Variants in SERPINB7 observed in about 807,000 individuals in gnomAD.
The protein encoded by SERPINB7 is serpin family B member 7, also known as serpin B7.
Under a neutral mutation model 37.4 loss-of-function variants are expected in SERPINB7, and 31 were observed. That is an observed-to-expected ratio of 0.83 (90% CI 0.62 to 1.12). The LOEUF is 1.12. SERPINB7 is among the 50% of genes most tolerant of loss of function. The pLI is 0.00. For synonymous variants in SERPINB7, 163 were observed against 166.1 expected, an observed-to-expected ratio of 0.98 and a Z score of 0.14; for missense variants, 521 against 455.3, an observed-to-expected ratio of 1.14 and a Z score of -1.31.
chr18:63,793,326 T>C, intron 4 of SERPINB7, 49 bp downstream of exon 4: 2 of 970,278 alleles, frequency 2.1e-6, no homozygotes, highest in Non-Finnish European at 3.2e-6. Context: ...GTTAAATCCA[T>C]TATCTGAACA....
chr18:63,799,369 C>A (rs1020813613), intron 6 of SERPINB7, among the ~76,000 whole-genome samples: 4 of 152,170 alleles, frequency 2.6e-5, no homozygotes, highest in Non-Finnish European at 5.9e-5. Flanking sequence ...TGTATTGGGG[C>A]CCCTGCCTTG....
chr18:63,753,439 AG>A (rs1029648815), intron 1 of SERPINB7, among the ~76,000 whole-genome samples: 11 of 152,192 alleles, frequency 7.2e-5, no homozygotes, highest in South Asian at 4.2e-4. Context: ...ATGAAAAAAA[AG>A]TGCCTACTGA....
At chr18:63,771,748 CT>C (rs1343070285), upstream of SERPINB7, among the ~76,000 whole-genome samples, 1 of 151,876 alleles carries the variant, frequency 6.6e-6, no homozygotes, top group Non-Finnish European at 1.5e-5. Flanking sequence ...CTCATAGACC[CT>C]TATGAGAACA....
chr18:63,798,699 G>A lies in SERPINB7; in HGVS notation c.550G>A (p.Ala184Thr). 6.2e-7 allele frequency: 1 copy of A among 1,612,952 alleles called. No homozygotes were observed. Among genetic ancestry groups the A allele is most frequent in the Non-Finnish European group, 8.5e-7 (1 of 1,179,578 alleles). The change falls in exon 6 of 8, where the codon GCC (alanine) becomes ACC (threonine). Residue 184 changes from alanine to threonine, a missense_variant. By Grantham distance (58) the Ala-to-Thr change is moderately conservative (BLOSUM62 0). Coordinates refer to ENST00000398019, the MANE Select transcript of SERPINB7 (RefSeq NM_003784.4). ...AVYFKGKWQSAFTKSETINCH... is the reference protein window; with the variant it reads ...AVYFKGKWQSTFTKSETINCH... ...GTACTTCAAAGGCAAGTGGCAATCA[G>A]CCTTCACCAAGAGCGAAACCATAAA... is the stretch of plus-strand genomic sequence containing the variant.
chr18:63,789,970 T>C (rs887305115), intron 2 of SERPINB7, among the ~76,000 whole-genome samples: 1 of 152,210 alleles, frequency 6.6e-6, no homozygotes, highest in Non-Finnish European at 1.5e-5. Flanking sequence ...TCTCTGTCAC[T>C]CAGTCACTGC....
intron 1 of SERPINB7, among the ~76,000 whole-genome samples, chr18:63,778,952 A>ACAATTTCCTTC (rs2049276413): frequency 6.6e-6 from 1 of 152,204 alleles, no homozygotes; most frequent in Non-Finnish European, 1.5e-5. Flanking sequence ...TGCAAGAAAC[A>ACAATTTCCTTC]TAAGAATATA....
At chr18:63,795,950 T>C (rs114524416) in intron 4 of SERPINB7, among the ~76,000 whole-genome samples, 372 of 152,308 alleles carry the variant, frequency 2.4e-3, no homozygotes, top group African/African-American at 7.9e-3. Flanking sequence ...GGGAGACTGG[T>C]TAGGAGGCTA....
In SERPINB7 at chr18:63,800,943, G is replaced by A. The variant is rs1473078740; in HGVS notation, c.675G>A (p.Lys225=). 1 of 1,613,882 alleles carries A rather than the reference G, an allele frequency of 6.2e-7. No homozygotes were observed. The highest frequency in any genetic ancestry group is 8.5e-7 in the Non-Finnish European group (1 of 1,179,876). Residue 225 remains lysine, a synonymous_variant, in exon 7 of 8, where the codon AAG becomes AAA. Transcript: ENST00000398019. ...CTGTTATTGAGGACCCATCAATGAA[G>A]ATTCTTGAGCTCAGATACAATGGTG... ...NLSVIEDPSM[K]ILELRYNGGI... is the part of the protein sequence containing the mutation.
intron 1 of SERPINB7, chr18:63,753,175 G>A (rs1029266297): frequency 6.6e-6 from 1 of 152,230 alleles, no homozygotes; most frequent in African/African-American, 2.4e-5. Flanking sequence ...GATTCCCTAA[G>A]ATGGATGGAC....
chr18:63,756,249 G>A (rs1000529154), intron 1 of SERPINB7, among the ~76,000 whole-genome samples: 75 of 152,056 alleles, frequency 4.9e-4, no homozygotes, highest in African/African-American at 1.7e-3. Flanking sequence ...GGCCAGAAAT[G>A]TTTCTTCCAC....
chr18:63,789,633 G>C (rs2049406680), intron 2 of SERPINB7, among the ~76,000 whole-genome samples: 1 of 152,124 alleles, frequency 6.6e-6, no homozygotes, highest in Non-Finnish European at 1.5e-5. Context: ...TTCTCTCTCT[G>C]AATTCTTTCT....
chr18:63,768,208 G>T (rs1259220834), intron 1 of SERPINB7, among the ~76,000 whole-genome samples: 1 of 151,566 alleles, frequency 6.6e-6, no homozygotes, highest in Non-Finnish European at 1.5e-5. Context: ...GGTTTATTTT[G>T]CTCTTGTCCT....
intron 5 of SERPINB7, 100 bp from the exon 6 acceptor site, chr18:63,798,504 T>C: frequency 1.2e-6 from 1 of 835,284 alleles, no homozygotes; most frequent in Non-Finnish European, 1.8e-6. Context: ...GGTGTTATTA[T>C]GTGTTAAGAA....
intron 2 of SERPINB7, among the ~76,000 whole-genome samples, chr18:63,787,678 A>G (rs2049385966): frequency 6.6e-6 from 1 of 152,208 alleles, no homozygotes. Context: ...AAACAAAACA[A>G]AAACCAAAAA....
chr18:63,763,307 C>T (rs2049164385), intron 1 of SERPINB7, among the ~76,000 whole-genome samples: 1 of 152,128 alleles, frequency 6.6e-6, no homozygotes, highest in Non-Finnish European at 1.5e-5. Context: ...CCAATGGAAA[C>T]AACTAATATA....
At position 63,793,292 on chromosome 18, in the gene SERPINB7, C is replaced by G. The variant is rs1411056145; in HGVS notation, c.336+15C>G. 7.3e-7 allele frequency: 1 copy of G among 1,372,770 alleles called. No homozygotes were observed. Among genetic ancestry groups the G allele is most frequent in the Non-Finnish European group, 1.0e-6 (1 of 971,684 alleles). 85.0% of individuals were successfully genotyped at this position (1,372,770 alleles called of 1,614,324 possible). A position where few individuals can be genotyped will look rare whatever the true frequency, so the allele number is the denominator to read the frequency against. On this transcript the variant is annotated intron_variant, in intron 4 of 7. Coordinates refer to ENST00000398019, the MANE Select transcript of SERPINB7 (RefSeq NM_003784.4). ...GCTTTCATAAGGTAAGTGAAACTGC[C>G]TTTGTTAGAAGGACCTGAATCTTGT... is the stretch of plus-strand genomic sequence containing the variant.
intron 1 of SERPINB7, among the ~76,000 whole-genome samples, chr18:63,758,862 G>A (rs1206875208): frequency 6.6e-6 from 1 of 152,210 alleles, no homozygotes; most frequent in Non-Finnish European, 1.5e-5. Context: ...GTGTACTAAA[G>A]CGTGAAGAGC....
intron 7 of SERPINB7, among the ~76,000 whole-genome samples, chr18:63,802,598 T>C (rs1171454968): frequency 6.6e-6 from 1 of 152,214 alleles, no homozygotes; most frequent in Non-Finnish European, 1.5e-5. Flanking sequence ...TTTGTGTGTA[T>C]GTATGTGCAC....
intron 2 of SERPINB7, among the ~76,000 whole-genome samples, chr18:63,783,972 CT>C (rs2049339312): frequency 6.6e-6 from 1 of 152,150 alleles, no homozygotes; most frequent in African/African-American, 2.4e-5. Flanking sequence ...TCTTAGACTG[CT>C]GTTTTTTTCA....
Sources: allele counts gnomAD v4.1 joint callset (sites outside exome capture counted in the v4.1 genomes callset), GRCh38; gene constraint gnomAD v4.1.1; transcripts MANE v1.5; gene names NCBI Gene and HGNC (gene_info 2026-07-23, HGNC 2026-07-21).